The following COL6A2 variants were observed in gnomAD, a reference collection of about 807,000 sequenced individuals.
The protein encoded by COL6A2 is collagen type VI alpha 2 chain, also known as collagen alpha-2(VI) chain.
COL6A2 carries 90 observed loss-of-function variants against 124.9 expected under a neutral mutation model. The observed-to-expected ratio is 0.72, with a 90% CI of 0.61 to 0.86. COL6A2 has a LOEUF of 0.86. COL6A2 is among the 40% of genes least tolerant of loss of function. The probability of loss-of-function intolerance (pLI) is 0.00; values close to 1 mark genes in which losing one functional copy is unlikely to be tolerated. For missense variants in COL6A2, 1,607 were observed against 1,502.5 expected, an observed-to-expected ratio of 1.07 and a Z score of -1.15; for synonymous variants, 793 against 618.2, an observed-to-expected ratio of 1.28 and a Z score of -4.19.
chr21:46,124,580 C>T, intron 21 of COL6A2, 71 bp from the exon 22 acceptor site: 11 of 1,485,484 alleles, frequency 7.4e-6, no homozygotes, highest in African/African-American at 1.4e-5. Flanking sequence ...GGGGACAGCA[C>T]AGGGGGCCCT....
intron 1 of COL6A2, among the ~76,000 whole-genome samples, chr21:46,104,430 A>C (rs946804122): frequency 2.6e-5 from 4 of 152,234 alleles, no homozygotes; most frequent in Non-Finnish European, 5.9e-5. Flanking sequence ...AGATTTCAGC[A>C]GGCAGAATAA....
chr21:46,128,881 G>A (rs748550456), intron 27 of COL6A2: 2 of 1,602,602 alleles, frequency 1.2e-6, no homozygotes, highest in Non-Finnish European at 8.5e-7. Context: ...CCCTACTGGA[G>A]TTTGGCCTGT....
intron 23 of COL6A2, among the ~76,000 whole-genome samples, 169 bp downstream of exon 23, chr21:46,125,089 G>A (rs962206336): frequency 2.2e-4 from 33 of 152,146 alleles, no homozygotes; most frequent in African/African-American, 7.7e-4. Flanking sequence ...CACAGGGCAA[G>A]GTTGGTGGGG....
rs1049885428 is a variant in COL6A2 at position 46,101,846 on chromosome 21, G to A, written c.-28+3673G>A. On this transcript the variant is annotated intron_variant, in intron 1 of 27. Transcript: ENST00000300527. ...CCCCAGCTTTGTTCTTATCTTTCAC[G>A]ATTTTTTTTTTTTTTTTTTTTTTTT... Among the ~76,000 whole-genome samples, 5 of 61,390 alleles carry A rather than the reference G, an allele frequency of 8.1e-5. No homozygotes were observed. The East Asian group carries it at 2.2e-3, about 27-fold the overall frequency. The allele number at this position is 61,390 out of a possible 152,430, so 40.3% of individuals were successfully genotyped here.
At chr21:46,120,620 A>G in intron 16 of COL6A2, 43 bp downstream of exon 16, 3 of 1,426,956 alleles carry the variant, frequency 2.1e-6, no homozygotes, top group East Asian at 2.6e-5. Context: ...AGGGGATCTG[A>G]GGGGGTGCAG....
intron 18 of COL6A2, 130 bp downstream of exon 18, chr21:46,121,748 C>T: frequency 1.1e-6 from 1 of 901,338 alleles, no homozygotes; most frequent in East Asian, 2.6e-5. Flanking sequence ...GCCTCCTGTT[C>T]TCAGCTCTGG....
chr21:46,112,665 T>A, intron 3 of COL6A2, 88 bp downstream of exon 3: 1 of 1,592,026 alleles, frequency 6.3e-7, no homozygotes, highest in Non-Finnish European at 8.6e-7. Context: ...TACCCCTCTG[T>A]GAGTGCGGAG....
In COL6A2 at chr21:46,117,453, G is replaced by A. The variant is rs1301370357; in HGVS notation, c.1053G>A (p.Arg351=). Residue 351 remains arginine (R), a splice_region_variant and synonymous_variant, in exon 11 of 28, where the codon CGG becomes CGA. Coordinates refer to ENST00000300527, the MANE Select transcript of COL6A2 (RefSeq NM_001849.4). ...PPGCKGDPGN[R]GPDGYPGEAG... ...GCTGCAAGGGAGACCCTGGAAACCG[G>A]GTAAGGGCCGTTTGCACCCCTCCTT... 1.2e-6 allele frequency: 2 copies of A among 1,612,556 alleles called. No homozygotes were observed. Among genetic ancestry groups the A allele is most frequent in the African/African-American group, 1.3e-5 (1 of 74,920 alleles).
At chr21:46,126,310 G>T in intron 26 of COL6A2, 73 bp downstream of exon 26, 1 of 1,558,014 alleles carries the variant, frequency 6.4e-7, no homozygotes, top group South Asian at 1.1e-5. Context: ...GAGCCCCAGG[G>T]ACACCCCTCA....
rs558981930 is a variant in COL6A2, at chr21:46,119,065, T to C, written c.1215T>C (p.Pro405=). ...YQGNSGAPGS[P]GVKGAKGGPG... ...GCAACAGTGGAGCCCCAGGAAGTCCTGGTGTGAAAGGAGCCAAGGGCGGGC... is the reference window on the plus strand; with the variant it reads ...GCAACAGTGGAGCCCCAGGAAGTCCCGGTGTGAAAGGAGCCAAGGGCGGGC... The change falls in exon 14 of 28, where the codon CCT becomes CCC. Residue 405 remains proline, a synonymous_variant. Coordinates refer to ENST00000300527, the MANE Select transcript of COL6A2 (RefSeq NM_001849.4). 1.9e-4 allele frequency: 308 copies of C among 1,612,188 alleles called. 3 individuals are homozygous for C. The South Asian group carries it at 3.1e-3, about 16-fold the overall frequency.
Position 46,124,886 on chromosome 21 carries a change from G to T in COL6A2, c.1736G>T (p.Gly579Val). ...TCAGCCTCATCCTTCCTTCCCCAGG[G>T]TGAGCCCGGCCCCCCTGGAGACCCC... The part of the protein sequence containing the change: ...RGPRGVPGPE[G>V]EPGPPGDPGL... Residue 579 changes from glycine to valine, a missense_variant and splice_region_variant, in exon 23 of 28, where the codon GGT becomes GTT. Around this residue, in one of 3 missense-constraint regions of COL6A2, gnomAD observed 1,223 missense variants for 1,052.2 expected, o/e 1.16. Transcript: ENST00000300527. 1.2e-6 allele frequency: 2 copies of T among 1,612,928 alleles called. No individual in the cohort carries two copies. Among genetic ancestry groups the T allele is most frequent in the Non-Finnish European group, 1.7e-6 (2 of 1,180,004 alleles).
At chr21:46,124,735 A>G (rs776273132) in intron 22 of COL6A2, 22 bp downstream of exon 22, 1 of 1,611,178 alleles carries the variant, frequency 6.2e-7, no homozygotes, top group South Asian at 1.1e-5. Flanking sequence ...GCCAGTCCCC[A>G]TGCCCTCCCC....
chr21:46,120,678 G>A, intron 16 of COL6A2, 101 bp downstream of exon 16: 2 of 1,170,920 alleles, frequency 1.7e-6, no homozygotes, highest in African/African-American at 1.6e-5. Context: ...CCCCAAGGTA[G>A]GGGACCCGGG....
intron 14 of COL6A2, 50 bp from the exon 15 acceptor site, chr21:46,119,738 C>A: frequency 6.6e-7 from 1 of 1,511,804 alleles, no homozygotes; most frequent in South Asian, 1.2e-5. Flanking sequence ...TCCACAGGCT[C>A]TGGGCTTGGA....
chr21:46,118,728 A>T (rs1440248203), intron 13 of COL6A2, 52 bp downstream of exon 13: 2 of 1,561,910 alleles, frequency 1.3e-6, no homozygotes, highest in Admixed American at 1.8e-5. Context: ...ACTCACGCCC[A>T]TGGCCCAGAT....
intron 5 of COL6A2, among the ~76,000 whole-genome samples, chr21:46,115,488 TTAGA>T (rs1169990359): frequency 1.9e-4 from 29 of 152,230 alleles, no homozygotes; most frequent in Admixed American, 1.9e-3. Flanking sequence ...CTAAAGTTAC[TTAGA>T]TAAAGGAATT....
intron 14 of COL6A2, 38 bp downstream of exon 14, chr21:46,119,157 G>A (rs758830544): frequency 2.0e-6 from 3 of 1,494,974 alleles, no homozygotes; most frequent in Non-Finnish European, 2.8e-6. Context: ...GCCCCGCTCT[G>A]GGCATCCTCC....
chr21:46,123,374 C>T (rs2078598078), intron 21 of COL6A2, among the ~76,000 whole-genome samples: 1 of 151,898 alleles, frequency 6.6e-6, no homozygotes, highest in Non-Finnish European at 1.5e-5. Context: ...CCAAGGGTTC[C>T]CTCCCCAATG....
Position 46,126,513 on chromosome 21 carries a change from C to G in COL6A2, c.2433C>G (p.Ile811Met). 1 of 1,612,244 alleles carries G rather than the reference C, an allele frequency of 6.2e-7. No homozygotes were observed. Among genetic ancestry groups the G allele is most frequent in the Non-Finnish European group, 8.5e-7 (1 of 1,178,928 alleles). The change falls in exon 27 of 28, where the codon ATC (isoleucine) becomes ATG (methionine). Residue 811 changes from isoleucine (I) to methionine (M), a missense_variant. Physicochemically the swap from Ile to Met is conservative, Grantham distance 10. Coordinates refer to ENST00000300527, the MANE Select transcript of COL6A2 (RefSeq NM_001849.4). The part of the protein sequence containing the change: ...MEDVLCPDPQ[I>M]VCPDLPCQTE... ...TCTCCTCTCTTCCAGACCCTCAGATCGTGTGCCCAGACCTTCCCTGCCAAA... is the reference window on the plus strand; with the variant it reads ...TCTCCTCTCTTCCAGACCCTCAGATGGTGTGCCCAGACCTTCCCTGCCAAA...
Sources: allele counts gnomAD v4.1 joint callset (sites outside exome capture counted in the v4.1 genomes callset), GRCh38; gene constraint gnomAD v4.1.1; regional missense constraint gnomAD v4.1.1; transcripts MANE v1.5; gene names NCBI Gene and HGNC (gene_info 2026-07-23, HGNC 2026-07-21).